CCSER1: variants seen among roughly 807,000 people sequenced by gnomAD.
CCSER1 encodes serine-rich coiled-coil domain-containing protein 1.
In CCSER1, 41 loss-of-function variants were observed where a neutral mutation model predicts 82.0. The ratio of observed to expected loss-of-function variants is 0.50; its 90% CI spans 0.39 to 0.65. The LOEUF (loss-of-function observed/expected upper bound fraction) is 0.65. Ranked by LOEUF, CCSER1 falls within the 30% of genes least tolerant of loss-of-function variation. CCSER1 has a pLI of 0.00. For synonymous variants in CCSER1, 414 were observed against 383.9 expected (o/e 1.08, Z -0.92); for missense variants, 1,119 against 1,064.2 (o/e 1.05, Z -0.72).
chr4:91,218,014 G>A (rs1344456364), intron 10 of CCSER1, among the ~76,000 whole-genome samples: 5 of 152,226 alleles, frequency 3.3e-5, no homozygotes, highest in African/African-American at 9.6e-5. Flanking sequence ...GCGCCGTGGA[G>A]CAGGGGGTGG....
intron 1 of CCSER1, among the ~76,000 whole-genome samples, chr4:90,193,146 T>G (rs902842366): frequency 1.3e-5 from 2 of 152,066 alleles, no homozygotes; most frequent in African/African-American, 2.4e-5. Flanking sequence ...AAATTGCATG[T>G]GTAGTAACCA....
chr4:90,183,675 A>G (rs1271437954), intron 1 of CCSER1, among the ~76,000 whole-genome samples: 4 of 152,150 alleles, frequency 2.6e-5, no homozygotes, highest in African/African-American at 7.2e-5. Context: ...TTTTTCTCTG[A>G]CTAGATTTTT....
chr4:91,427,595 T>G (rs1754060493), intron 10 of CCSER1, among the ~76,000 whole-genome samples: 1 of 152,170 alleles, frequency 6.6e-6, no homozygotes, highest in Admixed American at 6.5e-5. Flanking sequence ...GTTACCAATT[T>G]ACTGAATCTC....
At chr4:90,611,253 G>GA (rs1212449437) in intron 5 of CCSER1, among the ~76,000 whole-genome samples, 2 of 151,660 alleles carry the variant, frequency 1.3e-5, no homozygotes, top group African/African-American at 2.4e-5. Context: ...CAAAATTACT[G>GA]AAAAAAATGA....
chr4:91,079,029 C>A (rs902293588), intron 9 of CCSER1, among the ~76,000 whole-genome samples: 1 of 152,094 alleles, frequency 6.6e-6, no homozygotes, highest in Non-Finnish European at 1.5e-5. Flanking sequence ...GGAGAACTTC[C>A]CCAACATAGC....
chr4:91,084,408 ATATT>A (rs1043187647), intron 9 of CCSER1, among the ~76,000 whole-genome samples: 3 of 152,116 alleles, frequency 2.0e-5, no homozygotes, highest in Non-Finnish European at 2.9e-5. Context: ...GGTAGCTACT[ATATT>A]TATTATCATT....
At chr4:90,253,163 A>G (rs1157954605) in intron 1 of CCSER1, among the ~76,000 whole-genome samples, 1 of 152,034 alleles carries the variant, frequency 6.6e-6, no homozygotes, top group East Asian at 1.9e-4. Context: ...ACATTTCTAT[A>G]TGTCATAGGC....
At chr4:90,839,627 A>T (rs1390930602) in intron 8 of CCSER1, among the ~76,000 whole-genome samples, 1 of 152,224 alleles carries the variant, frequency 6.6e-6, no homozygotes, top group Non-Finnish European at 1.5e-5. Context: ...GAGAAAGCCC[A>T]CATCTACAGA....
intron 1 of CCSER1, among the ~76,000 whole-genome samples, chr4:90,132,863 C>T (rs190709960): frequency 6.6e-6 from 1 of 152,196 alleles, no homozygotes; most frequent in African/African-American, 2.4e-5. Flanking sequence ...TTAAACTGTG[C>T]TTTGATACTA....
chr4:90,761,658 A>G (rs1490703958), intron 7 of CCSER1, among the ~76,000 whole-genome samples: 1 of 152,226 alleles, frequency 6.6e-6, no homozygotes, highest in East Asian at 1.9e-4. Context: ...TTAGGAGTTC[A>G]TATCTATAAA....
intron 4 of CCSER1, among the ~76,000 whole-genome samples, chr4:90,427,194 C>A (rs1757642501): frequency 6.6e-6 from 1 of 151,846 alleles, no homozygotes; most frequent in Non-Finnish European, 1.5e-5. Flanking sequence ...TCACTTAGTT[C>A]TTCCAGGAAT....
chr4:90,670,968 T>A (rs934417486), intron 6 of CCSER1, among the ~76,000 whole-genome samples: 17 of 152,092 alleles, frequency 1.1e-4, no homozygotes, highest in Non-Finnish European at 1.8e-4. Flanking sequence ...ATGTTTGGTT[T>A]CCCAGTACAT....
intron 10 of CCSER1, among the ~76,000 whole-genome samples, chr4:91,395,710 G>A (rs779257784): frequency 6.6e-6 from 1 of 151,950 alleles, no homozygotes; most frequent in African/African-American, 2.4e-5. Context: ...TTCATGAAGA[G>A]ATGCTTGGTG....
At chr4:91,207,940 A>C (rs13134976) in intron 10 of CCSER1, among the ~76,000 whole-genome samples, 1 of 151,746 alleles carries the variant, frequency 6.6e-6, no homozygotes, top group East Asian at 1.9e-4. Flanking sequence ...GCGAGATGGT[A>C]TGTCATTGTG....
chr4:90,714,666 G>A (rs572974134), intron 6 of CCSER1, among the ~76,000 whole-genome samples: 177 of 151,952 alleles, frequency 1.2e-3, no homozygotes, highest in Non-Finnish European at 2.1e-3. Flanking sequence ...AGGACTTAAA[G>A]GTTCAAATAA....
At chr4:90,978,788 T>C (rs1310528064) in intron 9 of CCSER1, among the ~76,000 whole-genome samples, 4 of 151,768 alleles carry the variant, frequency 2.6e-5, no homozygotes, top group Non-Finnish European at 5.9e-5. Context: ...AAGTCATTGA[T>C]GGGAATTGTT....
chr4:90,342,456 A>G (rs903675676), intron 3 of CCSER1, among the ~76,000 whole-genome samples: 3 of 152,118 alleles, frequency 2.0e-5, no homozygotes, highest in Non-Finnish European at 4.4e-5. Context: ...AATCATGCCT[A>G]CCTTTCTTTT....
intron 7 of CCSER1, among the ~76,000 whole-genome samples, chr4:90,780,242 C>T (rs1753563757): frequency 6.6e-6 from 1 of 152,132 alleles, no homozygotes; most frequent in South Asian, 2.1e-4. Context: ...TGGTCTTTAA[C>T]TTGTATGCTC....
intron 9 of CCSER1, among the ~76,000 whole-genome samples, chr4:91,073,802 A>T (rs1474270175): frequency 5.3e-5 from 8 of 152,150 alleles, no homozygotes; most frequent in Admixed American, 5.2e-4. Context: ...AAGAACCTGT[A>T]AAAGGACCAA....
Sources: gnomAD v4.1 joint callset for allele counts (sites outside exome capture counted in the v4.1 genomes callset) on GRCh38, gnomAD v4.1.1 for gene constraint, MANE v1.5 for transcripts, NCBI Gene and HGNC (gene_info 2026-07-23, HGNC 2026-07-21) for gene names.